Variants in ATP7B observed in about 807,000 individuals in gnomAD.
The protein encoded by ATP7B is copper-transporting ATPase 2.
Under a neutral mutation model 118.9 loss-of-function variants are expected in ATP7B, and 113 were observed. The ratio of observed to expected loss-of-function variants is 0.95; its 90% CI spans 0.82 to 1.11. ATP7B has a LOEUF of 1.11. ATP7B is among the 50% of genes most tolerant of loss of function. The pLI, the probability that ATP7B is intolerant of heterozygous loss-of-function variation, is 0.00. For synonymous variants in ATP7B, 777 were observed against 727.4 expected (o/e 1.07, Z -1.10); for missense variants, 1,867 against 1,871.4 (o/e 1.00, Z 0.04).
intron 9 of ATP7B, among the ~76,000 whole-genome samples, chr13:51,951,314 G>T (rs1957990469): frequency 6.6e-6 from 1 of 152,102 alleles, no homozygotes; most frequent in Non-Finnish European, 1.5e-5. Context: ...GGTGGATAGA[G>T]AAACCATTTA....
In ATP7B at chr13:51,965,001, GT is replaced by G. The variant is rs1555293357; in HGVS notation, c.1739del (p.His580ProfsTer3). 6.2e-7 allele frequency: 1 copy of G among 1,614,136 alleles called. No individual in the cohort carries two copies. The highest frequency in any genetic ancestry group is 8.5e-7 in the Non-Finnish European group (1 of 1,180,036). On this transcript the variant is annotated frameshift_variant, in exon 5 of 21. Transcript: ENST00000242839. LOFTEE classifies it high-confidence loss of function. ...TCCTCGTGAGTTTGGACTCTATGTT[GT>G]GGACACAGGACGCGCAGGTCATCCC... ...ITGMTCASCV[H>X]NIESKLTRTN...
chr13:52,011,237 C>T, intron 1 of ATP7B, 50 bp downstream of exon 1: 1 of 1,614,040 alleles, frequency 6.2e-7, no homozygotes, highest in Non-Finnish European at 8.5e-7. Flanking sequence ...GAGGAAAATC[C>T]TCCTGGTGGG....
At chr13:51,938,860 A>G (rs1356908931) in intron 17 of ATP7B, among the ~76,000 whole-genome samples, 191 bp downstream of exon 17, 1 of 152,238 alleles carries the variant, frequency 6.6e-6, no homozygotes, top group Non-Finnish European at 1.5e-5. Flanking sequence ...TCCAGGGAAG[A>G]GATCTTCGCA....
chr13:51,965,026 CCT>C lies in ATP7B; in HGVS notation c.1713_1714del (p.Gly572AspfsTer35). The C allele has an allele frequency of 6.2e-7, 1 of 1,614,042 alleles. No homozygotes were observed. ...GTGGACACAGGACGCGCAGGTCATCCCTGTGATCTGCAACACAGGATGGCAAG... is the reference window on the plus strand; with the variant it reads ...GTGGACACAGGACGCGCAGGTCATCCGTGATCTGCAACACAGGATGGCAAG... On this transcript the variant is annotated frameshift_variant, in exon 5 of 21. Coordinates refer to ENST00000242839, the MANE Select transcript of ATP7B (RefSeq NM_000053.4). LOFTEE classifies it high-confidence loss of function.
intron 1 of ATP7B, among the ~76,000 whole-genome samples, chr13:51,989,152 T>G (rs915889470): frequency 2.6e-5 from 4 of 152,184 alleles, no homozygotes; most frequent in Non-Finnish European, 5.9e-5. Flanking sequence ...CCAGGAAGGT[T>G]CGAGTACTCT....
At chr13:51,935,236 T>C (rs983930687) in intron 20 of ATP7B, among the ~76,000 whole-genome samples, 2 of 152,230 alleles carry the variant, frequency 1.3e-5, no homozygotes, top group Admixed American at 6.5e-5. Flanking sequence ...GCCTTGCACA[T>C]TGTAGGCTGC....
chr13:51,935,616 C>T lies in ATP7B; in HGVS notation c.4101G>A (p.Val1367=), dbSNP rs2138454260. 1.9e-6 allele frequency: 3 copies of T among 1,613,724 alleles called. No individual in the cohort carries two copies. The highest frequency in any genetic ancestry group is 2.5e-6 in the Non-Finnish European group (3 of 1,179,924). ...AAMAASSVSV[V]LSSLQLKCYK... ...ACCACTTGAGCTGCAGGGATGAGAG[C>T]ACCACAGACACAGAGGAGGCTGCCA... The change falls in exon 20 of 21, where the codon GTG becomes GTA. Residue 1367 remains valine, a synonymous_variant. Transcript: ENST00000242839.
intron 1 of ATP7B, among the ~76,000 whole-genome samples, chr13:52,006,141 T>C (rs529372019): frequency 1.2e-4 from 18 of 152,314 alleles, no homozygotes; most frequent in African/African-American, 4.1e-4. Flanking sequence ...TGAATATCTA[T>C]AGAAACAATG....
At chr13:52,009,340 G>A (rs1185796379) in intron 1 of ATP7B, among the ~76,000 whole-genome samples, 3 of 152,172 alleles carry the variant, frequency 2.0e-5, no homozygotes, top group Non-Finnish European at 2.9e-5. Flanking sequence ...ATCTGGGTGA[G>A]ATTAGCTGAA....
At chr13:51,941,462 T>C (rs986535202) in intron 15 of ATP7B, among the ~76,000 whole-genome samples, 3 of 151,930 alleles carry the variant, frequency 2.0e-5, no homozygotes, top group Non-Finnish European at 4.4e-5. Flanking sequence ...TGGGTGGAAA[T>C]GGTATAAACG....
intron 1 of ATP7B, among the ~76,000 whole-genome samples, chr13:52,006,974 ATGCATCCCCC>A (rs977829058): frequency 5.4e-4 from 82 of 152,036 alleles, no homozygotes; most frequent in African/African-American, 2.0e-3. Flanking sequence ...CTCTTCATCT[ATGCATCCCCC>A]TGCTTGGCCC....
chr13:51,951,497 G>C (rs1019946346), intron 9 of ATP7B, among the ~76,000 whole-genome samples: 1 of 152,128 alleles, frequency 6.6e-6, no homozygotes, highest in African/African-American at 2.4e-5. Flanking sequence ...GGAAAGAAGA[G>C]GTCAGAGGTA....
intron 3 of ATP7B, 142 bp downstream of exon 3, chr13:51,970,350 T>C (rs1456211476): frequency 9.3e-6 from 11 of 1,188,134 alleles, no homozygotes; most frequent in South Asian, 4.0e-5. Flanking sequence ...ACAAGGACAT[T>C]AGACAAACAT....
intron 1 of ATP7B, among the ~76,000 whole-genome samples, chr13:52,008,395 T>C (rs1360474618): frequency 1.3e-5 from 2 of 152,166 alleles, no homozygotes; most frequent in African/African-American, 4.8e-5. Flanking sequence ...CATCACTGAT[T>C]AGATCATTGT....
At chr13:51,946,148 A>G (rs1957635241) in intron 13 of ATP7B, 136 bp downstream of exon 13, 2 of 1,203,980 alleles carry the variant, frequency 1.7e-6, no homozygotes, top group Non-Finnish European at 2.3e-6. Flanking sequence ...TGTTATTCCC[A>G]GTTATACTTG....
At chr13:51,999,581 T>A (rs1440965380) in intron 1 of ATP7B, among the ~76,000 whole-genome samples, 1 of 152,184 alleles carries the variant, frequency 6.6e-6, no homozygotes, top group Non-Finnish European at 1.5e-5. Flanking sequence ...AAGCCAATGT[T>A]TCCATTTCAC....
At chr13:51,957,750 C>A (rs989129386) in intron 8 of ATP7B, 143 bp from the exon 9 acceptor site, 1 of 742,774 alleles carries the variant, frequency 1.3e-6, no homozygotes, top group Non-Finnish European at 2.4e-6. Context: ...TGCAGGTGGG[C>A]GTTACTTGCT....
Position 51,975,166 on chromosome 13 carries a change from G to C in ATP7B, c.54C>G (p.Ile18Met). The part of the protein sequence containing the change: ...ITAREGASRK[I>M]LSKLSLPTRA... ...GGGTAGGCAAAGAAAGCTTAGATAA[G>C]ATCTAAAAAGAAAAGAAATAACATT... Residue 18 changes from isoleucine to methionine, a missense_variant and splice_region_variant, in exon 2 of 21, where the codon ATC (isoleucine) becomes ATG (methionine). Ile to Met is a conservative substitution (Grantham distance 10, BLOSUM62 1). Transcript: ENST00000242839. The C allele has an allele frequency of 1.2e-6, 2 of 1,614,058 alleles. No homozygotes were observed. Among genetic ancestry groups the C allele is most frequent in the African/African-American group, 1.3e-5 (1 of 75,042 alleles).
intron 1 of ATP7B, among the ~76,000 whole-genome samples, chr13:51,985,458 A>T (rs559118753): frequency 6.6e-6 from 1 of 152,334 alleles, no homozygotes; most frequent in East Asian, 1.9e-4. Context: ...ACTTCCACAC[A>T]GTAATAGTGG....
Sources: gnomAD v4.1 joint callset for allele counts (sites outside exome capture counted in the v4.1 genomes callset) on GRCh38, gnomAD v4.1.1 for gene constraint, MANE v1.5 for transcripts, NCBI Gene and HGNC (gene_info 2026-07-23, HGNC 2026-07-21) for gene names.